DIP2C: variants seen among roughly 807,000 people sequenced by gnomAD.
DIP2C encodes DIP2 acetate--CoA ligase C (putative), also known as disco-interacting protein 2 homolog C.
DIP2C carries 33 observed loss-of-function variants against 192.4 expected under a neutral mutation model. That is an observed-to-expected ratio of 0.17 (90% CI 0.13 to 0.23). The LOEUF is 0.23. Among genes scored for constraint, DIP2C ranks in the 10% least tolerant of loss-of-function variants. The probability of loss-of-function intolerance (pLI) is 1.00; values close to 1 mark genes in which losing one functional copy is unlikely to be tolerated. For missense variants in DIP2C, 1,537 were observed against 2,110.1 expected, an observed-to-expected ratio of 0.73 and a Z score of 5.32; for synonymous variants, 979 against 864.1, an observed-to-expected ratio of 1.13 and a Z score of -2.33.
chr10:627,114 T>C (rs1211627863), intron 1 of DIP2C, among the ~76,000 whole-genome samples: 1 of 152,248 alleles, frequency 6.6e-6, no homozygotes, highest in African/African-American at 2.4e-5. Flanking sequence ...GGCTCAGAGA[T>C]GGGTGGTCCC....
intron 1 of DIP2C, among the ~76,000 whole-genome samples, chr10:512,985 T>G (rs940575224): frequency 1.4e-5 from 2 of 146,686 alleles, no homozygotes; most frequent in Non-Finnish European, 3.0e-5. Context: ...GAGAAGAACA[T>G]TCAGTATTTA....
intron 1 of DIP2C, among the ~76,000 whole-genome samples, chr10:654,047 C>A (rs914861863): frequency 6.6e-6 from 1 of 152,214 alleles, no homozygotes; most frequent in African/African-American, 2.4e-5. Context: ...CTCAGGAGGT[C>A]CCCAGCCAAG....
In DIP2C at chr10:390,879, AGAG is replaced by A. The variant is rs1564651781; in HGVS notation, c.1261-19_1261-17del. ...TCCCTGCGTCCTGAGAGGGCAACAG[AGAG>A]GAGTTGAGAATCCACGACCTGCCCC... On this transcript the variant is annotated splice_polypyrimidine_tract_variant and intron_variant, in intron 10 of 36. Coordinates refer to ENST00000280886, the MANE Select transcript of DIP2C (RefSeq NM_014974.3). 4.3e-6 allele frequency: 7 copies of A among 1,613,042 alleles called. No individual in the cohort carries two copies. Among genetic ancestry groups the A allele is most frequent in the Non-Finnish European group, 5.9e-6 (7 of 1,179,540 alleles).
At chr10:320,136 A>C (rs941371428) in intron 31 of DIP2C, among the ~76,000 whole-genome samples, 19 of 152,218 alleles carry the variant, frequency 1.2e-4, no homozygotes, top group Admixed American at 1.2e-3. Context: ...CCAGGGGTTC[A>C]TTTTGAGAAA....
chr10:577,165 C>T (rs1390524072), intron 1 of DIP2C, among the ~76,000 whole-genome samples: 1 of 152,162 alleles, frequency 6.6e-6, no homozygotes, highest in African/African-American at 2.4e-5. Flanking sequence ...CATCCTACTG[C>T]AATTAATCCT....
Position 357,823 on chromosome 10 carries a change from C to CCTA in DIP2C, c.2904+2_2904+4dup. The CCTA allele has an allele frequency of 6.2e-7, 1 of 1,610,494 alleles. No individual in the cohort carries two copies. Among genetic ancestry groups the CCTA allele is most frequent in the Non-Finnish European group, 8.5e-7 (1 of 1,178,154 alleles). On this transcript the variant is annotated splice_donor_region_variant and intron_variant, in intron 23 of 36. Transcript: ENST00000280886. Reference sequence around the variant, plus strand: ...GTCGGGGAGACTCAGGGACCCAGCTCCTACCTTGCGTGCCTGGTCGTTATC... The same window carrying CCTA: ...GTCGGGGAGACTCAGGGACCCAGCTCCTACTACCTTGCGTGCCTGGTCGTTATC...
intron 30 of DIP2C, among the ~76,000 whole-genome samples, chr10:327,467 T>C (rs1212371322): frequency 6.6e-6 from 1 of 152,220 alleles, no homozygotes; most frequent in Admixed American, 6.5e-5. Flanking sequence ...AGCAACTTCC[T>C]GGCTGAGACG....
chr10:638,003 G>A (rs551012331), intron 1 of DIP2C, among the ~76,000 whole-genome samples: 151 of 152,300 alleles, frequency 9.9e-4, no homozygotes, highest in Middle Eastern at 3.4e-3. Context: ...CTCCACCAGG[G>A]AAACGTGGAA....
chr10:459,024 A>T (rs2133370419), intron 3 of DIP2C, among the ~76,000 whole-genome samples: 1 of 152,230 alleles, frequency 6.6e-6, no homozygotes, highest in Non-Finnish European at 1.5e-5. Flanking sequence ...TAAAAATCTA[A>T]CAATAGTTCT....
At chr10:435,319 T>C (rs1316323430) in intron 4 of DIP2C, among the ~76,000 whole-genome samples, 1 of 152,228 alleles carries the variant, frequency 6.6e-6, no homozygotes, top group African/African-American at 2.4e-5. Context: ...AGAGTGCTCC[T>C]GCATATTTGA....
intron 16 of DIP2C, 40 bp from the exon 17 acceptor site, chr10:382,801 C>T (rs1295276010): frequency 7.1e-7 from 1 of 1,413,238 alleles, no homozygotes. Flanking sequence ...AGCTGAAGCA[C>T]TGTGATTGAT....
At chr10:685,251 G>A (rs1462740554) in intron 1 of DIP2C, among the ~76,000 whole-genome samples, 1 of 147,348 alleles carries the variant, frequency 6.8e-6, no homozygotes, top group Non-Finnish European at 1.5e-5. Context: ...GGAAGACCTG[G>A]CACGTGCGCG....
chr10:328,213 G>A (rs968772684), intron 30 of DIP2C, among the ~76,000 whole-genome samples: 1 of 152,222 alleles, frequency 6.6e-6, no homozygotes, highest in African/African-American at 2.4e-5. Context: ...GAGTTAAACA[G>A]GAAAAACTCA....
At chr10:296,950 A>C (rs1375436037) in intron 32 of DIP2C, among the ~76,000 whole-genome samples, 2 of 151,144 alleles carry the variant, frequency 1.3e-5, no homozygotes, top group Non-Finnish European at 3.0e-5. Context: ...TGACGAGTTA[A>C]TGGGTGCAGC....
At chr10:289,269 ATGTT>A (rs1351124562) in intron 32 of DIP2C, among the ~76,000 whole-genome samples, 3 of 33,370 alleles carry the variant, frequency 9.0e-5, no homozygotes, top group South Asian at 1.8e-3. Context: ...TCCCCCAGTG[ATGTT>A]TTTTTTTTTT....
chr10:670,093 C>T (rs1476594084), intron 1 of DIP2C, among the ~76,000 whole-genome samples: 2 of 151,124 alleles, frequency 1.3e-5, no homozygotes, highest in African/African-American at 2.4e-5. Flanking sequence ...CACATGCATA[C>T]ACACACATCC....
rs1326975922 is a variant in DIP2C at position 276,461 on chromosome 10, T to C, written c.*864A>G. The C allele has an allele frequency of 6.6e-6, 1 of 152,658 alleles. No individual in the cohort carries two copies. Among genetic ancestry groups the C allele is most frequent in the African/African-American group, 2.4e-5 (1 of 41,454 alleles). 9.5% of individuals were successfully genotyped at this position (152,658 alleles called of 1,614,324 possible). On this transcript the variant is annotated 3_prime_UTR_variant, in exon 37 of 37. Transcript: ENST00000280886. Reference sequence around the variant, plus strand: ...TTCATTAGTGAATTTATATTTCATATATATATATTTGTTGTGATACTATCC... The same window carrying C: ...TTCATTAGTGAATTTATATTTCATACATATATATTTGTTGTGATACTATCC...
chr10:409,190 ATGAG>A (rs1965016042), intron 8 of DIP2C, among the ~76,000 whole-genome samples, 173 bp from the exon 9 acceptor site: 1 of 152,180 alleles, frequency 6.6e-6, no homozygotes, highest in South Asian at 2.1e-4. Context: ...AGAATGGAAA[ATGAG>A]TGAAAGTAGA....
chr10:595,787 T>A (rs1348819348), intron 1 of DIP2C, among the ~76,000 whole-genome samples: 1 of 152,082 alleles, frequency 6.6e-6, no homozygotes, highest in Non-Finnish European at 1.5e-5. Flanking sequence ...GGAAAAAAAA[T>A]TAACGTAAAT....
Sources: allele counts gnomAD v4.1 joint callset (sites outside exome capture counted in the v4.1 genomes callset), GRCh38; gene constraint gnomAD v4.1.1; transcripts MANE v1.5; gene names NCBI Gene and HGNC (gene_info 2026-07-23, HGNC 2026-07-21).